HYDIN: variants seen among roughly 807,000 people sequenced by gnomAD.
HYDIN encodes the protein axonemal central pair apparatus protein HYDIN.
In HYDIN, 132 loss-of-function variants were observed where a neutral mutation model predicts 403.9. The ratio of observed to expected loss-of-function variants is 0.33; its 90% CI spans 0.28 to 0.38. HYDIN has a LOEUF of 0.38. Ranked by LOEUF, HYDIN falls within the 10% of genes least tolerant of loss-of-function variation. The pLI is 1.00. For missense variants in HYDIN, 2,827 were observed against 5,009.5 expected, an observed-to-expected ratio of 0.56 and a Z score of 13.15; for synonymous variants, 1,202 against 1,891.7, an observed-to-expected ratio of 0.64 and a Z score of 9.46.
chr16:71,210,240 C>A (rs2088512417), intron 1 of HYDIN, among the ~76,000 whole-genome samples: 1 of 152,028 alleles, frequency 6.6e-6, no homozygotes, highest in African/African-American at 2.4e-5. Flanking sequence ...ATCACAATAG[C>A]AAAGACATGG....
At chr16:71,106,189 C>A (rs544841990) in intron 10 of HYDIN, among the ~76,000 whole-genome samples, 2,706 of 149,102 alleles carry the variant, frequency 0.018, 67 homozygotes, top group African/African-American at 0.063. Flanking sequence ...CTCTCTCTCT[C>A]AATCTCCATA....
chr16:70,891,184 A>AT (rs71390967), intron 57 of HYDIN, among the ~76,000 whole-genome samples: 3 of 152,012 alleles, frequency 2.0e-5, no homozygotes, highest in Non-Finnish European at 2.9e-5. Flanking sequence ...TTAAAAAAAA[A>AT]TTTTTTTATT....
intron 11 of HYDIN, among the ~76,000 whole-genome samples, chr16:71,089,399 G>C (rs1229979289): frequency 6.6e-6 from 1 of 151,786 alleles, no homozygotes; most frequent in Non-Finnish European, 1.5e-5. Context: ...TACACCTAGA[G>C]GGTGAACAGC....
chr16:70,925,642 G>A (rs1235094916), intron 45 of HYDIN, among the ~76,000 whole-genome samples: 1 of 151,294 alleles, frequency 6.6e-6, no homozygotes, highest in Non-Finnish European at 1.5e-5. Flanking sequence ...CTTCTGCACA[G>A]CAAAAGAAAC....
intron 1 of HYDIN, among the ~76,000 whole-genome samples, chr16:71,215,112 A>T (rs1438552249): frequency 6.6e-6 from 1 of 152,196 alleles, no homozygotes; most frequent in Non-Finnish European, 1.5e-5. Flanking sequence ...CATAGAGGCC[A>T]ACTTGCAGGG....
At chr16:71,154,357 C>A (rs1233814028) in intron 6 of HYDIN, among the ~76,000 whole-genome samples, 1 of 135,146 alleles carries the variant, frequency 7.4e-6, no homozygotes, top group South Asian at 2.7e-4. Flanking sequence ...TGAAGTAATC[C>A]CATCATGGAG....
At chr16:71,208,907 C>T (rs574636016) in intron 1 of HYDIN, among the ~76,000 whole-genome samples, 1 of 152,188 alleles carries the variant, frequency 6.6e-6, no homozygotes, top group Non-Finnish European at 1.5e-5. Flanking sequence ...TAAAAAATAG[C>T]CTACGAACCA....
chr16:71,098,064 TAAG>T (rs1437940436), intron 10 of HYDIN, among the ~76,000 whole-genome samples: 1 of 152,102 alleles, frequency 6.6e-6, no homozygotes, highest in Non-Finnish European at 1.5e-5. Flanking sequence ...ACTTTGATTA[TAAG>T]AAGCAAAGGC....
In HYDIN at chr16:71,112,940, G is replaced by GTT. The variant is rs1329294526; in HGVS notation, c.1327+2754_1327+2755dup. ...TCATAAGATAAAATAAAACAATTGG[G>GTT]TTGTCAGGGGCTGAGGCTGGGGGAC... On this transcript the variant is annotated intron_variant, in intron 10 of 85. Transcript: ENST00000393567. Among the ~76,000 whole-genome samples the GTT allele has an allele frequency of 7.9e-5, 12 of 152,258 alleles. No homozygotes were observed. In the East Asian group the frequency reaches 2.3e-3, roughly 29 times the overall value.
At chr16:71,138,189 A>G (rs1471445163) in intron 7 of HYDIN, among the ~76,000 whole-genome samples, 2 of 128,738 alleles carry the variant, frequency 1.6e-5, no homozygotes, top group African/African-American at 6.6e-5. Flanking sequence ...TTACTCTGAC[A>G]TCATATAGAA....
chr16:71,133,122 C>T (rs1568204440), intron 8 of HYDIN: 2 of 410,928 alleles, frequency 4.9e-6, no homozygotes, highest in Admixed American at 3.0e-5. Flanking sequence ...AGTAATAGTC[C>T]CTCATCTTCA....
At chr16:70,842,460 A>G (rs1184838748) in intron 75 of HYDIN, among the ~76,000 whole-genome samples, 2 of 152,000 alleles carry the variant, frequency 1.3e-5, no homozygotes, top group African/African-American at 2.4e-5. Flanking sequence ...ATAATTTTCA[A>G]TCATTGAAAA....
At chr16:70,926,362 C>T (rs1433382756) in intron 45 of HYDIN, among the ~76,000 whole-genome samples, 1 of 149,820 alleles carries the variant, frequency 6.7e-6, no homozygotes, top group Non-Finnish European at 1.5e-5. Context: ...ATTGCAAGGA[C>T]AAAAAACCAA....
At chr16:70,953,427 C>G (rs1047218952) in intron 40 of HYDIN, among the ~76,000 whole-genome samples, 1 of 151,976 alleles carries the variant, frequency 6.6e-6, no homozygotes, top group African/African-American at 2.4e-5. Context: ...AGGAAGGCTC[C>G]CTGTCCAGCA....
At chr16:71,021,596 T>G (rs2144128191) in intron 21 of HYDIN, among the ~76,000 whole-genome samples, 1 of 152,198 alleles carries the variant, frequency 6.6e-6, no homozygotes, top group South Asian at 2.1e-4. Context: ...TTTTTCTCAT[T>G]CTGATGTTGG....
intron 49 of HYDIN, 29 bp downstream of exon 49, chr16:70,908,223 C>T (rs1413422242): frequency 2.0e-6 from 3 of 1,471,338 alleles, no homozygotes; most frequent in Admixed American, 1.8e-5. Context: ...CATCTGTCAA[C>T]CTTTTCTTTT....
At chr16:71,222,843 G>A (rs566499489) in intron 1 of HYDIN, among the ~76,000 whole-genome samples, 2 of 152,276 alleles carry the variant, frequency 1.3e-5, no homozygotes, top group South Asian at 4.1e-4. Context: ...AATAATAGAT[G>A]ACACAAACAA....
intron 27 of HYDIN, among the ~76,000 whole-genome samples, chr16:70,987,274 G>A (rs1250323445): frequency 4.6e-5 from 7 of 152,330 alleles, no homozygotes; most frequent in African/African-American, 9.6e-5. Context: ...ACGAAACCAC[G>A]CTCTTTGGTC....
In HYDIN at chr16:70,964,726, A is replaced by T; in HGVS notation, c.5788+2T>A. 6.2e-7 allele frequency: 1 copy of T among 1,611,700 alleles called. No individual in the cohort carries two copies. The highest frequency in any genetic ancestry group is 2.2e-5 in the East Asian group (1 of 44,814). Reference sequence around the variant, plus strand: ...GAGGTGTTCTCCACATTGAGTTCTCACCATTCTCCTGTGCCAGATTCTCCA... The same window carrying T: ...GAGGTGTTCTCCACATTGAGTTCTCTCCATTCTCCTGTGCCAGATTCTCCA... On this transcript the variant is annotated splice_donor_variant, in intron 37 of 85. Coordinates refer to ENST00000393567, the MANE Select transcript of HYDIN (RefSeq NM_001270974.2). LOFTEE classifies it high-confidence loss of function.
Sources: allele counts gnomAD v4.1 joint callset (sites outside exome capture counted in the v4.1 genomes callset), GRCh38; gene constraint gnomAD v4.1.1; transcripts MANE v1.5; gene names NCBI Gene and HGNC (gene_info 2026-07-23, HGNC 2026-07-21).